The following SLC4A4 variants were observed in gnomAD, a reference collection of about 807,000 sequenced individuals.
SLC4A4 encodes solute carrier family 4 member 4.
In SLC4A4, 27 loss-of-function variants were observed where a neutral mutation model predicts 111.5. The observed-to-expected ratio is 0.24, with a 90% CI of 0.18 to 0.33. The LOEUF (loss-of-function observed/expected upper bound fraction) is 0.33. SLC4A4 is among the 10% of genes least tolerant of loss of function. The pLI is 1.00. For missense variants in SLC4A4, 909 were observed against 1,315.5 expected (o/e 0.69, Z 4.78); for synonymous variants, 443 against 463.4 (o/e 0.96, Z 0.57).
intron 2 of SLC4A4, among the ~76,000 whole-genome samples, chr4:71,103,891 A>T (rs1437391983): frequency 1.5e-5 from 2 of 135,576 alleles, no homozygotes; most frequent in African/African-American, 2.8e-5. Flanking sequence ...CACATTCAAA[A>T]GCTAGCAGAA....
At chr4:71,478,448 G>A (rs1728567658) in intron 14 of SLC4A4, among the ~76,000 whole-genome samples, 1 of 151,896 alleles carries the variant, frequency 6.6e-6, no homozygotes, top group Non-Finnish European at 1.5e-5. Context: ...ATGAGTTCAT[G>A]TCCTTTGCAG....
At chr4:71,545,843 AG>A (rs1272371824) in intron 18 of SLC4A4, among the ~76,000 whole-genome samples, 1 of 152,052 alleles carries the variant, frequency 6.6e-6, no homozygotes, top group Non-Finnish European at 1.5e-5. Context: ...TAGAGAAGGC[AG>A]GGTGCCTGCT....
chr4:71,236,351 G>C (rs747305247), intron 1 of SLC4A4: 64 of 923,270 alleles, frequency 6.9e-5, no homozygotes, highest in Non-Finnish European at 9.3e-5. Flanking sequence ...TGTCTATGTG[G>C]GTGCCCTCTC....
At chr4:71,169,326 T>A (rs1744875936) in intron 2 of SLC4A4, among the ~76,000 whole-genome samples, 1 of 152,042 alleles carries the variant, frequency 6.6e-6, no homozygotes, top group Non-Finnish European at 1.5e-5. Context: ...CTATTTTTAT[T>A]TTTTTGAGGA....
chr4:71,160,125 G>A lies in SLC4A4; in HGVS notation c.-2+67333G>A, dbSNP rs559434068. Among the ~76,000 whole-genome samples, 34 of 152,254 alleles carry A rather than the reference G, an allele frequency of 2.2e-4. No individual in the cohort carries two copies. The East Asian group carries it at 3.3e-3, about 15-fold the overall frequency. On this transcript the variant is annotated intron_variant, in intron 2 of 26. Coordinates refer to the SLC4A4 transcript ENST00000649996. ...CTATTTGCTAATGTGAAAACTCAGC[G>A]TTAGAGAAACTAGGTAACATCAACC...
chr4:71,240,364 A>G (rs1222000300), intron 2 of SLC4A4, among the ~76,000 whole-genome samples: 1 of 152,172 alleles, frequency 6.6e-6, no homozygotes, highest in Non-Finnish European at 1.5e-5. Flanking sequence ...TGACTTCATG[A>G]GGAGGGGCCT....
chr4:71,356,843 C>G (rs1330929310), intron 5 of SLC4A4, among the ~76,000 whole-genome samples, 165 bp from the exon 6 acceptor site: 1 of 152,188 alleles, frequency 6.6e-6, no homozygotes, highest in Non-Finnish European at 1.5e-5. Flanking sequence ...ATGCCCATAT[C>G]TGTGTACCCT....
At position 71,349,981 on chromosome 4, in the gene SLC4A4, G is replaced by A. The variant is rs1182046246; in HGVS notation, c.459G>A (p.Leu153=). ...ERWSKPHVAT[L]SLHSLFELRT... ...GGAGCAAGCCCCATGTGGCCACATT[G>A]TCCCTTCATAGTTTATTTGAGCTGA... Residue 153 remains leucine, a synonymous_variant, in exon 5 of 26, where the codon TTG becomes TTA. Coordinates refer to ENST00000264485, the MANE Select transcript of SLC4A4 (RefSeq NM_001098484.3). The A allele has an allele frequency of 6.2e-7, 1 of 1,614,096 alleles. No homozygotes were observed. The highest frequency in any genetic ancestry group is 1.1e-5 in the South Asian group (1 of 91,076).
In SLC4A4 at chr4:71,472,061, G is replaced by T. The variant is rs78186164; in HGVS notation, c.1632-638G>T. On this transcript the variant is annotated intron_variant, in intron 13 of 25. Transcript: ENST00000264485. ...CACAGTGAGCATTACAGGCCATCTTGTGCCACGTTATCTTTTTAACTATTT... is the reference window on the plus strand; with the variant it reads ...CACAGTGAGCATTACAGGCCATCTTTTGCCACGTTATCTTTTTAACTATTT... Among the ~76,000 whole-genome samples, 111 of 151,984 alleles carry T rather than the reference G, an allele frequency of 7.3e-4. 1 individual carries two copies. Among genetic ancestry groups the T allele is most frequent in the African/African-American group, 2.6e-3 (110 of 41,528 alleles).
chr4:71,133,606 G>A (rs1743766931), intron 2 of SLC4A4, among the ~76,000 whole-genome samples: 2 of 152,278 alleles, frequency 1.3e-5, no homozygotes, highest in South Asian at 4.1e-4. Flanking sequence ...AGAAGTCCCA[G>A]GCCTTTTTTA....
At chr4:71,342,191 T>A (rs1728952307) in intron 4 of SLC4A4, among the ~76,000 whole-genome samples, 1 of 152,244 alleles carries the variant, frequency 6.6e-6, no homozygotes, top group South Asian at 2.1e-4. Context: ...ATACATCAAC[T>A]GTTTCTTGTT....
chr4:71,393,441 G>A (rs1037962125), intron 6 of SLC4A4, among the ~76,000 whole-genome samples: 2 of 151,920 alleles, frequency 1.3e-5, no homozygotes, highest in Non-Finnish European at 2.9e-5. Context: ...AAAATACTTA[G>A]GAATATACCT....
chr4:71,086,890 G>T (rs913059271), intron 1 of SLC4A4, among the ~76,000 whole-genome samples: 2 of 151,976 alleles, frequency 1.3e-5, no homozygotes, highest in African/African-American at 2.4e-5. Flanking sequence ...TCTCTGCCAG[G>T]CTTTGGTATC....
intron 2 of SLC4A4, among the ~76,000 whole-genome samples, chr4:71,094,782 C>T (rs184590675): frequency 1.0e-3 from 151 of 148,532 alleles, no homozygotes; most frequent in African/African-American, 3.6e-3. Flanking sequence ...GTTCACGAGT[C>T]CTCATTTTTC....
intron 1 of SLC4A4, among the ~76,000 whole-genome samples, chr4:71,223,645 A>G (rs1355938663): frequency 6.6e-6 from 1 of 152,120 alleles, no homozygotes; most frequent in Non-Finnish European, 1.5e-5. Flanking sequence ...GGCCTCCTAG[A>G]TTGAGTATCT....
intron 14 of SLC4A4, among the ~76,000 whole-genome samples, chr4:71,483,351 A>G (rs1729065113): frequency 6.6e-6 from 1 of 151,642 alleles, no homozygotes; most frequent in Admixed American, 6.6e-5. Context: ...TAGGCCCCAG[A>G]GTGTGTTGTT....
chr4:71,112,815 G>A (rs75660254), intron 2 of SLC4A4, among the ~76,000 whole-genome samples: 37 of 152,312 alleles, frequency 2.4e-4, no homozygotes, highest in African/African-American at 8.7e-4. Context: ...GGGAACCACT[G>A]CGTTAGGTAA....
rs111818099 is a variant in SLC4A4 at position 71,121,276 on chromosome 4, C to G, written c.-2+28484C>G. On this transcript the variant is annotated intron_variant, in intron 2 of 26. Transcript: ENST00000649996. ...CCGAGACTCCCCAATGGGCACTGCC[C>G]CCTGCTCCGTGGCGCCCGGTCTCAT... Among the ~76,000 whole-genome samples, 990 of 152,124 alleles carry G rather than the reference C, an allele frequency of 6.5e-3. 12 individuals are homozygous for G. Among genetic ancestry groups the G allele is most frequent in the African/African-American group, 0.023 (952 of 41,500 alleles).
At chr4:71,196,534 A>G (rs144790409) in intron 1 of SLC4A4, among the ~76,000 whole-genome samples, 285 of 152,252 alleles carry the variant, frequency 1.9e-3, no homozygotes, top group African/African-American at 6.6e-3. Context: ...CTGCAGTTGA[A>G]TTGATCACTT....
Sources: allele counts gnomAD v4.1 joint callset (sites outside exome capture counted in the v4.1 genomes callset), GRCh38; gene constraint gnomAD v4.1.1; transcripts MANE v1.5; gene names NCBI Gene and HGNC (gene_info 2026-07-23, HGNC 2026-07-21).